The following INSIG1 variants were observed in gnomAD, a reference collection of about 807,000 sequenced individuals.
The protein encoded by INSIG1 is insulin-induced gene 1 protein.
Under a neutral mutation model 26.5 loss-of-function variants are expected in INSIG1, and 14 were observed. That is an observed-to-expected ratio of 0.53 (90% CI 0.35 to 0.83). The LOEUF (loss-of-function observed/expected upper bound fraction) is 0.83. INSIG1 is among the 40% of genes least tolerant of loss of function. The pLI is 0.01. For synonymous variants in INSIG1, 147 were observed against 153.3 expected, an observed-to-expected ratio of 0.96 and a Z score of 0.30; for missense variants, 272 against 368.9, an observed-to-expected ratio of 0.74 and a Z score of 2.15.
chr7:155,301,865 A>T (rs901912262), intron 3 of INSIG1, among the ~76,000 whole-genome samples, 175 bp downstream of exon 3: 1 of 149,884 alleles, frequency 6.7e-6, no homozygotes, highest in Admixed American at 6.7e-5. Context: ...ATGACTTCAT[A>T]GTAAAATATA....
At position 155,302,563 on chromosome 7, in the gene INSIG1, A is replaced by C. The variant is rs999941395; in HGVS notation, c.704+146A>C. 2.9e-6 allele frequency: 3 copies of C among 1,023,922 alleles called. No homozygotes were observed. The African/African-American group carries it at 4.9e-5, about 17-fold the overall frequency. The allele number at this position is 1,023,922 out of a possible 1,614,324, so 63.4% of individuals were successfully genotyped here. ...GCATGAAATTCTCAAAAATGCTGCT[A>C]TCCATAACTTAATGTAACGCAAAGG... On this transcript the variant is annotated intron_variant, in intron 4 of 5. Coordinates refer to ENST00000340368, the MANE Select transcript of INSIG1 (RefSeq NM_005542.6). The surrounding 1 kb of genome is among the most constrained non-coding windows in gnomAD (Gnocchi z 4.3).
intron 5 of INSIG1, among the ~76,000 whole-genome samples, chr7:155,307,602 G>T (rs1490243328): frequency 1.3e-5 from 2 of 152,214 alleles, no homozygotes; most frequent in Non-Finnish European, 2.9e-5. Context: ...CAGAAGCTCT[G>T]TGAGGGTCAG....
intron 5 of INSIG1, among the ~76,000 whole-genome samples, chr7:155,307,111 C>G: frequency 6.6e-6 from 1 of 152,204 alleles, no homozygotes. Context: ...CTTTTGTTTT[C>G]TCACCGCAGT....
At chr7:155,301,040 G>A (rs748412942) in intron 2 of INSIG1, among the ~76,000 whole-genome samples, 9 of 152,236 alleles carry the variant, frequency 5.9e-5, no homozygotes, top group Non-Finnish European at 1.3e-4. Flanking sequence ...CACTCTAGGA[G>A]CATGTGACCC....
rs1310497581 is a variant in INSIG1 at position 155,301,582 on chromosome 7, G to C, written c.429G>C (p.Leu143=). Reference sequence around the variant, plus strand: ...TTAAAACAGCTGTTGTTGGCCTACTGTACCCCTGTATCGACAGTCACCTCG... The same window carrying C: ...TTAAAACAGCTGTTGTTGGCCTACTCTACCCCTGTATCGACAGTCACCTCG... The part of the protein sequence containing the change: ...CGTAAAVVGL[L]YPCIDSHLGE... Residue 143 remains leucine (L), a synonymous_variant, in exon 3 of 6, where the codon CTG becomes CTC. Transcript: ENST00000340368. 6.2e-7 allele frequency: 1 copy of C among 1,608,030 alleles called. No homozygotes were observed. The highest frequency in any genetic ancestry group is 8.5e-7 in the Non-Finnish European group (1 of 1,175,776).
intron 5 of INSIG1, among the ~76,000 whole-genome samples, chr7:155,304,174 G>C (rs1797872400): frequency 6.6e-6 from 1 of 152,152 alleles, no homozygotes. Context: ...GCCTTGTCCA[G>C]GCCGGGCTCG....
intron 5 of INSIG1, among the ~76,000 whole-genome samples, chr7:155,306,472 C>A (rs1797937606): frequency 6.6e-6 from 1 of 152,244 alleles, no homozygotes. Flanking sequence ...GAGGCAGAGT[C>A]CCGCCCACCT....
chr7:155,308,113 A>G lies in INSIG1; in HGVS notation c.805-128A>G, dbSNP rs1797983922. On this transcript the variant is annotated intron_variant, in intron 5 of 5. Transcript: ENST00000340368. ...TTCTCTGCACATGTCCCACCTCTCA[A>G]TCTTGTTGCTTCAGTCAAAGAAAGT... is the stretch of plus-strand genomic sequence containing the variant. The G allele has an allele frequency of 6.8e-6, 4 of 590,716 alleles. No homozygotes were observed. In the South Asian group the frequency reaches 8.7e-5, roughly 13 times the overall value. The allele number at this position is 590,716 out of a possible 1,614,324, so 36.6% of individuals were successfully genotyped here. A position where few individuals can be genotyped will look rare whatever the true frequency, so the allele number is the denominator to read the frequency against.
Position 155,302,669 on chromosome 7 carries a change from C to T in INSIG1, c.705-78C>T, listed in dbSNP as rs919191023. 3.3e-5 allele frequency: 34 copies of T among 1,044,116 alleles called. No homozygotes were observed. The highest frequency in any genetic ancestry group is 1.4e-4 in the Admixed American group (8 of 56,694). 64.7% of individuals were successfully genotyped at this position (1,044,116 alleles called of 1,614,324 possible). A position where few individuals can be genotyped will look rare whatever the true frequency, so the allele number is the denominator to read the frequency against. On this transcript the variant is annotated intron_variant, in intron 4 of 5. Transcript: ENST00000340368. This position sits in a 1 kb window ranked among gnomAD's most constrained non-coding sequence, Gnocchi z 4.3. ...TGGTTGATATGCGTTCTGCATATCC[C>T]CACTACAGAGAATCTGTGATGTAGA...
rs769265843 is a variant in INSIG1, at chr7:155,308,299, A to C, written c.*29A>C. The C allele has an allele frequency of 6.2e-7, 1 of 1,613,222 alleles. No individual in the cohort carries two copies. Among genetic ancestry groups the C allele is most frequent in the South Asian group, 1.1e-5 (1 of 91,058 alleles). ...TTCAAAACCACCGATTCTGAGAGCA[A>C]GGAAGATTTTGGAAGAAAATCTGAC... On this transcript the variant is annotated 3_prime_UTR_variant, in exon 6 of 6. Transcript: ENST00000340368.
chr7:155,307,354 G>A (rs1797964390), intron 5 of INSIG1, among the ~76,000 whole-genome samples: 1 of 152,220 alleles, frequency 6.6e-6, no homozygotes, highest in African/African-American at 2.4e-5. Flanking sequence ...AAGGTGAGGA[G>A]CTCAGCTCCT....
intron 5 of INSIG1, among the ~76,000 whole-genome samples, chr7:155,304,933 C>T (rs943849172): frequency 2.0e-5 from 3 of 146,742 alleles, no homozygotes; most frequent in African/African-American, 5.1e-5. Context: ...GTCAGGAGAT[C>T]GAGACCATCC....
chr7:155,301,865 A>G (rs901912262), intron 3 of INSIG1, among the ~76,000 whole-genome samples, 175 bp downstream of exon 3: 1 of 149,884 alleles, frequency 6.7e-6, no homozygotes, highest in Non-Finnish European at 1.5e-5. Context: ...ATGACTTCAT[A>G]GTAAAATATA....
At chr7:155,307,844 T>TTG (rs1162725139) in intron 5 of INSIG1, among the ~76,000 whole-genome samples, 2 of 152,246 alleles carry the variant, frequency 1.3e-5, no homozygotes, top group Non-Finnish European at 2.9e-5. Flanking sequence ...TTCAGGAACC[T>TTG]ATCATACCCT....
chr7:155,308,519 C>T lies in INSIG1; in HGVS notation c.*249C>T, dbSNP rs750065235. 79 of 519,314 alleles carry T rather than the reference C, an allele frequency of 1.5e-4. No homozygotes were observed. Among genetic ancestry groups the T allele is most frequent in the Middle Eastern group, 1.0e-3 (2 of 1,956 alleles). 32.2% of individuals were successfully genotyped at this position (519,314 alleles called of 1,614,324 possible). ...GCCCTGGAGCATTCTGCCCAGGCTACGTGGGTTCAGGCAGGTGGCAGCTTC... is the reference window on the plus strand; with the variant it reads ...GCCCTGGAGCATTCTGCCCAGGCTATGTGGGTTCAGGCAGGTGGCAGCTTC... On this transcript the variant is annotated 3_prime_UTR_variant, in exon 6 of 6. Coordinates refer to ENST00000340368, the MANE Select transcript of INSIG1 (RefSeq NM_005542.6).
At chr7:155,304,462 A>T (rs1563032522) in intron 5 of INSIG1, among the ~76,000 whole-genome samples, 1 of 152,274 alleles carries the variant, frequency 6.6e-6, no homozygotes, top group Non-Finnish European at 1.5e-5. Context: ...GTCCTCAACC[A>T]GATTGACTAA....
intron 2 of INSIG1, 30 bp downstream of exon 2, chr7:155,298,727 T>A: frequency 6.3e-7 from 1 of 1,584,968 alleles, no homozygotes. Context: ...CTTCTGGAAG[T>A]AAAAAGGGTG....
chr7:155,303,729 C>T (rs1373535845), intron 5 of INSIG1: 3 of 502,464 alleles, frequency 6.0e-6, no homozygotes, highest in Non-Finnish European at 6.4e-6. Flanking sequence ...AAAAAAACAA[C>T]AAAAACCTAG....
At position 155,302,378 on chromosome 7, in the gene INSIG1, C is replaced by T. The variant is rs769646258; in HGVS notation, c.665C>T (p.Thr222Met). 17 of 1,609,014 alleles carry T rather than the reference C, an allele frequency of 1.1e-5. No individual in the cohort carries two copies. The highest frequency in any genetic ancestry group is 2.2e-5 in the East Asian group (1 of 44,676). The change falls in exon 4 of 6, where the codon ACG becomes ATG. Residue 222 changes from threonine to methionine, a missense_variant. This residue lies in a region of INSIG1 where 111 missense variants were observed against 189.8 expected (regional missense o/e 0.58). Coordinates refer to ENST00000340368, the MANE Select transcript of INSIG1 (RefSeq NM_005542.6). The surrounding 1 kb of genome is among the most constrained non-coding windows in gnomAD (Gnocchi z 4.3). ...GLGITIAFLATLITQFLVYNG... is the reference protein window; with the variant it reads ...GLGITIAFLAMLITQFLVYNG... Reference sequence around the variant, plus strand: ...GGGATCACCATAGCTTTTCTAGCTACGCTGATCACGCAGTTTCTCGTGTAT... The same window carrying T: ...GGGATCACCATAGCTTTTCTAGCTATGCTGATCACGCAGTTTCTCGTGTAT...
Sources: allele counts gnomAD v4.1 joint callset (sites outside exome capture counted in the v4.1 genomes callset), GRCh38; gene constraint gnomAD v4.1.1; regional missense constraint gnomAD v4.1.1; non-coding constraint Gnocchi (gnomAD v3.1); transcripts MANE v1.5; gene names NCBI Gene and HGNC (gene_info 2026-07-23, HGNC 2026-07-21).